NBEA: variants seen among roughly 807,000 people sequenced by gnomAD.
The protein encoded by NBEA is neurobeachin, also known as lysosomal-trafficking regulator 2.
A neutral mutation model predicts 343.4 loss-of-function variants in NBEA; 44 were observed. The ratio of observed to expected loss-of-function variants is 0.13; its 90% CI spans 0.10 to 0.16. NBEA has a LOEUF of 0.16. Among genes scored for constraint, NBEA ranks in the 10% least tolerant of loss-of-function variants. NBEA has a pLI of 1.00. For synonymous variants in NBEA, 1,175 were observed against 1,238.7 expected (o/e 0.95, Z 1.08); for missense variants, 2,555 against 3,631.3 (o/e 0.70, Z 7.62).
At chr13:35,440,039 G>A (rs1404086605) in intron 39 of NBEA, among the ~76,000 whole-genome samples, 3 of 152,064 alleles carry the variant, frequency 2.0e-5, no homozygotes, top group East Asian at 1.9e-4. Context: ...GCCACCACGC[G>A]CAGCTAATTT....
At chr13:34,944,299 TACTC>T (rs1296075824) in intron 1 of NBEA, among the ~76,000 whole-genome samples, 1 of 152,196 alleles carries the variant, frequency 6.6e-6, no homozygotes, top group Non-Finnish European at 1.5e-5. Flanking sequence ...TATTTTTACT[TACTC>T]TATTGGAAAA....
intron 11 of NBEA, among the ~76,000 whole-genome samples, chr13:35,108,835 A>G (rs1424539868): frequency 1.3e-5 from 2 of 152,140 alleles, no homozygotes; most frequent in Non-Finnish European, 2.9e-5. Flanking sequence ...TATATCATCC[A>G]AGGATAGAGT....
chr13:35,424,462 C>T (rs890551223), intron 38 of NBEA, among the ~76,000 whole-genome samples: 14 of 152,078 alleles, frequency 9.2e-5, no homozygotes, highest in East Asian at 3.9e-4. Context: ...TATTGATTTG[C>T]GTATGTTGAA....
At chr13:35,311,419 A>G (rs2037358752) in intron 36 of NBEA, among the ~76,000 whole-genome samples, 1 of 151,984 alleles carries the variant, frequency 6.6e-6, no homozygotes, top group Non-Finnish European at 1.5e-5. Flanking sequence ...ATAGGCTTAG[A>G]AAAGGAAGGG....
chr13:35,103,779 G>A (rs1243502907), intron 11 of NBEA, among the ~76,000 whole-genome samples: 1 of 150,878 alleles, frequency 6.6e-6, no homozygotes, highest in Admixed American at 6.6e-5. Flanking sequence ...TACTTTTTTT[G>A]CGCTCTAGAT....
intron 41 of NBEA, among the ~76,000 whole-genome samples, chr13:35,542,584 T>G (rs1038729494): frequency 4.6e-5 from 7 of 152,150 alleles, no homozygotes; most frequent in Non-Finnish European, 1.5e-5. Context: ...TTCTTTATTG[T>G]GTAGGAGTGG....
Position 34,988,789 on chromosome 13 carries a change from A to T in NBEA, c.294+45675A>T, listed in dbSNP as rs111467262. On this transcript the variant is annotated intron_variant, in intron 1 of 58. Coordinates refer to ENST00000379939, the MANE Select transcript of NBEA (RefSeq NM_001385012.1). ...AATCTGTCTTGTTTATTTGCATGGT[A>T]TATCTTTTTCTGTTCTTTTACTATT... is the stretch of plus-strand genomic sequence containing the variant. 5.6e-4 allele frequency among the ~76,000 whole-genome samples: 85 copies of T among 151,026 alleles called. 1 individual carries two copies. Among genetic ancestry groups the T allele is most frequent in the African/African-American group, 1.9e-3 (79 of 41,426 alleles).
intron 28 of NBEA, among the ~76,000 whole-genome samples, chr13:35,181,827 T>C (rs1305147189): frequency 1.3e-5 from 2 of 151,856 alleles, no homozygotes; most frequent in African/African-American, 4.8e-5. Flanking sequence ...ATCATACTTC[T>C]GGCTCATATT....
intron 40 of NBEA, among the ~76,000 whole-genome samples, chr13:35,461,714 C>T (rs1352328615): frequency 6.6e-6 from 1 of 152,166 alleles, no homozygotes; most frequent in Non-Finnish European, 1.5e-5. Context: ...CCCTGAAAGA[C>T]TTTGCCGCTT....
chr13:35,321,021 T>C (rs931885053), intron 36 of NBEA, among the ~76,000 whole-genome samples: 9 of 152,132 alleles, frequency 5.9e-5, no homozygotes, highest in Non-Finnish European at 1.3e-4. Flanking sequence ...CTTAGCTTCC[T>C]TGCACTGGGT....
At chr13:35,445,738 G>A in intron 39 of NBEA, among the ~76,000 whole-genome samples, 1 of 140,308 alleles carries the variant, frequency 7.1e-6, no homozygotes, top group Admixed American at 7.5e-5. Flanking sequence ...CTCCAAAATT[G>A]AACAATGATA....
At chr13:35,449,853 G>T (rs2046217145) in intron 39 of NBEA, among the ~76,000 whole-genome samples, 2 of 152,118 alleles carry the variant, frequency 1.3e-5, no homozygotes, top group Admixed American at 1.3e-4. Context: ...TGTCTCTGAA[G>T]TATTTATCAA....
At chr13:35,259,155 G>T (rs1455530454) in intron 34 of NBEA, among the ~76,000 whole-genome samples, 2 of 152,044 alleles carry the variant, frequency 1.3e-5, no homozygotes, top group Admixed American at 6.6e-5. Flanking sequence ...TCTCCATTTT[G>T]TTTATTATCT....
At chr13:35,102,783 A>AT (rs1383708678) in intron 11 of NBEA, among the ~76,000 whole-genome samples, 5 of 151,700 alleles carry the variant, frequency 3.3e-5, no homozygotes, top group African/African-American at 4.8e-5. Flanking sequence ...TCATTTGTAG[A>AT]TTTTTTCAGA....
chr13:35,245,656 T>A (rs1310866500), intron 34 of NBEA, among the ~76,000 whole-genome samples: 1 of 152,222 alleles, frequency 6.6e-6, no homozygotes, highest in African/African-American at 2.4e-5. Context: ...AGAAATCTGC[T>A]GTTAATCTGA....
At chr13:35,081,661 C>A (rs2064407606) in intron 10 of NBEA, among the ~76,000 whole-genome samples, 1 of 151,676 alleles carries the variant, frequency 6.6e-6, no homozygotes, top group Non-Finnish European at 1.5e-5. Context: ...TTATTTTTTA[C>A]CTTTTATGCC....
chr13:35,204,859 T>G (rs2152748096), intron 31 of NBEA, among the ~76,000 whole-genome samples: 1 of 152,228 alleles, frequency 6.6e-6, no homozygotes, highest in South Asian at 2.1e-4. Flanking sequence ...CCTAAATAGG[T>G]TACCCACAGT....
intron 41 of NBEA, among the ~76,000 whole-genome samples, chr13:35,542,351 T>G (rs1430376531): frequency 2.0e-5 from 3 of 152,188 alleles, no homozygotes; most frequent in African/African-American, 7.2e-5. Context: ...CCATTTCCAA[T>G]TTTTCCCGTT....
Position 35,015,699 on chromosome 13 carries a change from A to G in NBEA, c.295-25234A>G, listed in dbSNP as rs1462314291. Among the ~76,000 whole-genome samples the G allele has an allele frequency of 2.0e-5, 3 of 152,244 alleles. No homozygotes were observed. The East Asian group carries it at 5.8e-4, about 29-fold the overall frequency. ...AACATTATGAAGATTAGGAATAATT[A>G]CAAAAATATTTTAGTATATATTTAA... On this transcript the variant is annotated intron_variant, in intron 1 of 58. Transcript: ENST00000379939.
Sources: allele counts gnomAD v4.1 joint callset (sites outside exome capture counted in the v4.1 genomes callset), GRCh38; gene constraint gnomAD v4.1.1; transcripts MANE v1.5; gene names NCBI Gene and HGNC (gene_info 2026-07-23, HGNC 2026-07-21).